The following ZNF687 variants were observed in gnomAD, a reference collection of about 807,000 sequenced individuals.
ZNF687 encodes zinc finger protein 687.
ZNF687 carries 13 observed loss-of-function variants against 71.8 expected under a neutral mutation model. The ratio of observed to expected loss-of-function variants is 0.18; its 90% confidence interval spans 0.12 to 0.29. The LOEUF is 0.29. ZNF687 is among the 10% of genes least tolerant of loss of function. ZNF687 has a pLI of 1.00. For synonymous variants in ZNF687, 673 were observed against 641.6 expected (o/e 1.05, Z -0.74); for missense variants, 1,412 against 1,625.6 (o/e 0.87, Z 2.26).
intron 4 of ZNF687, 36 bp from the exon 5 acceptor site, chr1:151,289,342 C>G: frequency 6.2e-7 from 1 of 1,613,774 alleles, no homozygotes; most frequent in Non-Finnish European, 8.5e-7. Flanking sequence ...GGGCTGCACC[C>G]AACCCTGCCT....
chr1:151,287,733 G>A lies in ZNF687; in HGVS notation c.1442G>A (p.Gly481Glu), dbSNP rs746101304. 6.2e-7 allele frequency: 1 copy of A among 1,613,950 alleles called. No homozygotes were observed. The part of the protein sequence containing the change: ...VMVQPSKTAT[G>E]PSTGGGTVIS... ...GTGCAACCTTCAAAGACAGCTACTG[G>A]GCCAAGTACAGGGGGCGGCACAGTG... is the stretch of plus-strand genomic sequence containing the variant. The change falls in exon 2 of 9, where the codon GGG becomes GAG. Residue 481 changes from glycine to glutamate, a missense_variant. Around this residue, in one of 8 missense-constraint regions of ZNF687, gnomAD observed 133 missense variants for 155.1 expected, o/e 0.86. Coordinates refer to ENST00000336715, the MANE Select transcript of ZNF687 (RefSeq NM_020832.3). The surrounding 1 kb of genome is among the most constrained non-coding windows in gnomAD (Gnocchi z 5.0).
Position 151,288,377 on chromosome 1 carries a change from G to A in ZNF687, c.2086G>A (p.Gly696Ser), listed in dbSNP as rs772681535. Residue 696 changes from glycine to serine, a missense_variant, in exon 2 of 9, where the codon GGC becomes AGC. By Grantham distance (56) the Gly-to-Ser change is moderately conservative. Coordinates refer to ENST00000336715, the MANE Select transcript of ZNF687 (RefSeq NM_020832.3). ...AGMAAHFQQLGPPAPGATSNV... is the reference protein window; with the variant it reads ...AGMAAHFQQLSPPAPGATSNV... ...CATGGCAGCTCACTTCCAGCAGCTC[G>A]GCCCCCCTGCCCCTGGGGCCACCAG... The A allele has an allele frequency of 3.6e-5, 58 of 1,607,050 alleles. No homozygotes were observed. The highest frequency in any genetic ancestry group is 1.1e-4 in the East Asian group (5 of 44,826).
In ZNF687 at chr1:151,290,518, C is replaced by T. The variant is rs777798970; in HGVS notation, c.3164C>T (p.Ala1055Val). Residue 1055 changes from alanine (A) to valine (V), a missense_variant, in exon 8 of 9, where the codon GCC becomes GTC. By Grantham distance (64) the Ala-to-Val change is moderately conservative (BLOSUM62 0). This residue lies in a region of ZNF687 where 284 missense variants were observed against 359.2 expected (regional missense o/e 0.79). Transcript: ENST00000336715. ...VQVRHGLQLGAQSPGRGTTLA... is the reference protein window; with the variant it reads ...VQVRHGLQLGVQSPGRGTTLA... ...GTCCGGCACGGCTTGCAGCTTGGGG[C>T]CCAGTCCCCTGGCCGGGGGACCACC... 1.5e-5 allele frequency: 24 copies of T among 1,613,786 alleles called. No homozygotes were observed. The African/African-American group carries it at 3.1e-4, about 21-fold the overall frequency.
chr1:151,287,077 C>T lies in ZNF687; in HGVS notation c.786C>T (p.Phe262=), dbSNP rs1228014249. The change falls in exon 2 of 9, where the codon TTC becomes TTT. Residue 262 remains phenylalanine, a synonymous_variant. Coordinates refer to ENST00000336715, the MANE Select transcript of ZNF687 (RefSeq NM_020832.3). This position sits in a 1 kb window ranked among gnomAD's most constrained non-coding sequence, Gnocchi z 5.0. The part of the protein sequence containing the change: ...ASPPPVAGVP[F]FKQSPGHQSP... ...CTCCCCCAGTTGCTGGGGTGCCCTTCTTCAAGCAGTCTCCAGGGCACCAGA... is the reference window on the plus strand; with the variant it reads ...CTCCCCCAGTTGCTGGGGTGCCCTTTTTCAAGCAGTCTCCAGGGCACCAGA... 1.9e-6 allele frequency: 3 copies of T among 1,613,494 alleles called. No individual in the cohort carries two copies. Among genetic ancestry groups the T allele is most frequent in the Non-Finnish European group, 2.5e-6 (3 of 1,179,654 alleles).
chr1:151,286,645 G>A lies in ZNF687; in HGVS notation c.354G>A (p.Val118=), dbSNP rs941131339. Reference sequence around the variant, plus strand: ...CTGGGGTAACTAAAGAAGGGCCTGTGGGGCCTCATCGAATGCAGAATGGTT... The same window carrying A: ...CTGGGGTAACTAAAGAAGGGCCTGTAGGGCCTCATCGAATGCAGAATGGTT... ...QAAGVTKEGP[V]GPHRMQNGFG... is the part of the protein sequence containing the mutation. The change falls in exon 2 of 9, where the codon GTG becomes GTA. Residue 118 remains valine, a synonymous_variant. Transcript: ENST00000336715. 27 of 1,614,206 alleles carry A rather than the reference G, an allele frequency of 1.7e-5. No individual in the cohort carries two copies. The highest frequency in any genetic ancestry group is 2.3e-5 in the Non-Finnish European group (27 of 1,180,024).
upstream of ZNF687, chr1:151,282,165 A>G: frequency 8.7e-7 from 1 of 1,155,638 alleles, no homozygotes. Flanking sequence ...TTTAGGGCCA[A>G]CCCAGTGCGG....
In ZNF687 at chr1:151,287,186, C is replaced by T; in HGVS notation, c.895C>T (p.Pro299Ser). 1 of 1,614,128 alleles carries T rather than the reference C, an allele frequency of 6.2e-7. No homozygotes were observed. The highest frequency in any genetic ancestry group is 8.5e-7 in the Non-Finnish European group (1 of 1,179,994). The stretch of plus-strand genomic sequence containing the variant: ...TGAGGGGCCAGTGGACAAGTCTTCC[C>T]CAGGAAGTCCCCAGAGTCCCTCTAG... ...DDEGPVDKSS[P>S]GSPQSPSSGA... Residue 299 changes from proline to serine, a missense_variant, in exon 2 of 9, where the codon CCA becomes TCA. Physicochemically the swap from Pro to Ser is moderately conservative, Grantham distance 74. Around this residue, in one of 8 missense-constraint regions of ZNF687, gnomAD observed 490 missense variants for 489.9 expected, o/e 1.00. Transcript: ENST00000336715. The surrounding 1 kb of genome is among the most constrained non-coding windows in gnomAD (Gnocchi z 5.0).
Position 151,287,963 on chromosome 1 carries a change from C to T in ZNF687, c.1672C>T (p.Arg558Cys), listed in dbSNP as rs773083699. ...LARHYDRRSM[R>C]IEVTCNHCAR... The stretch of plus-strand genomic sequence containing the variant: ...ACGGCACTATGACCGTCGGAGCATG[C>T]GCATCGAGGTCACCTGCAACCACTG... Residue 558 changes from arginine to cysteine, a missense_variant, in exon 2 of 9, where the codon CGC (arginine) becomes TGC (cysteine). By Grantham distance (180) the Arg-to-Cys change is radical (BLOSUM62 -3). Around this residue, in one of 8 missense-constraint regions of ZNF687, gnomAD observed 50 missense variants for 106.6 expected, o/e 0.47. Coordinates refer to ENST00000336715, the MANE Select transcript of ZNF687 (RefSeq NM_020832.3). The surrounding 1 kb of genome is among the most constrained non-coding windows in gnomAD (Gnocchi z 5.0). 14 of 1,613,764 alleles carry T rather than the reference C, an allele frequency of 8.7e-6. No individual in the cohort carries two copies. Among genetic ancestry groups the T allele is most frequent in the African/African-American group, 2.7e-5 (2 of 74,900 alleles).
In ZNF687 at chr1:151,288,111, T is replaced by G; in HGVS notation, c.1820T>G (p.Met607Arg). 1 of 1,613,954 alleles carries G rather than the reference T, an allele frequency of 6.2e-7. No individual in the cohort carries two copies. Among genetic ancestry groups the G allele is most frequent in the Non-Finnish European group, 8.5e-7 (1 of 1,180,030 alleles). ...ATGAGGCCTGTAGCCCTTGACCAGA[T>G]GGTGGGGCAGCCGGACATCACACCG... ...LVMRPVALDQ[M>R]VGQPDITPLL... The change falls in exon 2 of 9, where the codon ATG (methionine) becomes AGG (arginine). Residue 607 changes from methionine (M) to arginine (R), a missense_variant. By Grantham distance (91) the Met-to-Arg change is moderately conservative. Around this residue, in one of 8 missense-constraint regions of ZNF687, gnomAD observed 207 missense variants for 239.2 expected, o/e 0.87. Coordinates refer to ENST00000336715, the MANE Select transcript of ZNF687 (RefSeq NM_020832.3).
chr1:151,287,508 T>A lies in ZNF687; in HGVS notation c.1217T>A (p.Ile406Asn), dbSNP rs1271274546. ...LKGTVLPVAT[I>N]QNASTAMLMA... ...GGCACTGTGCTGCCTGTGGCCACCATCCAGAACGCCAGTACTGCCATGCTG... is the reference window on the plus strand; with the variant it reads ...GGCACTGTGCTGCCTGTGGCCACCAACCAGAACGCCAGTACTGCCATGCTG... The change falls in exon 2 of 9, where the codon ATC becomes AAC. Residue 406 changes from isoleucine (I) to asparagine (N), a missense_variant. By Grantham distance (149) the Ile-to-Asn change is moderately radical. Coordinates refer to ENST00000336715, the MANE Select transcript of ZNF687 (RefSeq NM_020832.3). This position sits in a 1 kb window ranked among gnomAD's most constrained non-coding sequence, Gnocchi z 5.0. The A allele has an allele frequency of 1.9e-6, 3 of 1,614,092 alleles. No homozygotes were observed. The highest frequency in any genetic ancestry group is 2.5e-6 in the Non-Finnish European group (3 of 1,180,014).
Position 151,288,366 on chromosome 1 carries a change from TC to T in ZNF687, c.2077del (p.Gln693SerfsTer20). The part of the protein sequence containing the change: ...CRDKAGMAAH[F>X]QQLGPPAPGA... ...GACAAGGCTGGCATGGCAGCTCACT[TC>T]CAGCAGCTCGGCCCCCCTGCCCCTG... On this transcript the variant is annotated frameshift_variant, in exon 2 of 9. Coordinates refer to ENST00000336715, the MANE Select transcript of ZNF687 (RefSeq NM_020832.3). LOFTEE classifies it high-confidence loss of function. 1.2e-6 allele frequency: 2 copies of T among 1,608,606 alleles called. No homozygotes were observed. The highest frequency in any genetic ancestry group is 1.7e-6 in the Non-Finnish European group (2 of 1,179,108).
rs760031020 is a variant in ZNF687, at chr1:151,287,213, G to C, written c.922G>C (p.Gly308Arg). Reference sequence around the variant, plus strand: ...AGGAAGTCCCCAGAGTCCCTCTAGTGGGGCCGAGGCTGCAGATGAGGACAG... The same window carrying C: ...AGGAAGTCCCCAGAGTCCCTCTAGTCGGGCCGAGGCTGCAGATGAGGACAG... ...SPGSPQSPSS[G>R]AEAADEDSND... The change falls in exon 2 of 9, where the codon GGG becomes CGG. Residue 308 changes from glycine to arginine, a missense_variant. Transcript: ENST00000336715. This position sits in a 1 kb window ranked among gnomAD's most constrained non-coding sequence, Gnocchi z 5.0. 1 of 1,614,216 alleles carries C rather than the reference G, an allele frequency of 6.2e-7. No individual in the cohort carries two copies. The highest frequency in any genetic ancestry group is 1.1e-5 in the South Asian group (1 of 91,088).
In ZNF687 at chr1:151,289,150, C is replaced by G. The variant is rs751315734; in HGVS notation, c.2350C>G (p.Gln784Glu). The part of the protein sequence containing the change: ...GGVNSIKSHI[Q>E]TSHCEVFHKC... ...TGTGAACTCCATCAAGTCCCACATC[C>G]AGACGTCGCACTGCGAGGTTTTCCA... Residue 784 changes from glutamine to glutamate, a missense_variant, in exon 4 of 9, where the codon CAG becomes GAG. Transcript: ENST00000336715. 9.7e-5 allele frequency: 157 copies of G among 1,614,126 alleles called. No homozygotes were observed. In the Admixed American group the frequency reaches 1.6e-3, roughly 17 times the overall value.
rs869269504 is a variant in ZNF687 at position 151,284,802 on chromosome 1, CTTTTT to C, written c.-17-1450_-17-1446del. Among the ~76,000 whole-genome samples the C allele has an allele frequency of 5.0e-4, 28 of 56,426 alleles. No individual in the cohort carries two copies. The South Asian group carries it at 0.014, about 29-fold the overall frequency. The allele number at this position is 56,426 out of a possible 152,430, so 37.0% of individuals were successfully genotyped here. A position where few individuals can be genotyped will look rare whatever the true frequency, so the allele number is the denominator to read the frequency against. ...ACTTGTGCTCTCTGCCTTGTCTTGT[CTTTTT>C]TTTTTTTTTTTTTTTTTTTTTTGAG... On this transcript the variant is annotated intron_variant, in intron 1 of 8. Transcript: ENST00000336715.
chr1:151,289,282 G>C lies in ZNF687; in HGVS notation c.2471+11G>C, dbSNP rs754396558. ...AACTCAGCAGGCCAAGTGAGGCCCG[G>C]GGGAGGGCCGGGCTGGGCCAGGGAG... On this transcript the variant is annotated intron_variant, in intron 4 of 8. Transcript: ENST00000336715. 3 of 1,613,154 alleles carry C rather than the reference G, an allele frequency of 1.9e-6. No individual in the cohort carries two copies. The Admixed American group carries it at 5.0e-5, about 27-fold the overall frequency.
At position 151,286,963 on chromosome 1, in the gene ZNF687, G is replaced by GAGCTGC; in HGVS notation, c.676_681dup (p.Cys226_Ser227dup). ...CACCATTGGGGGCCTTGAAGCAGGA[G>GAGCTGC]AGCTGCAGCCCCCATCATCCCCAGG... On this transcript the variant is annotated inframe_insertion, in exon 2 of 9. Transcript: ENST00000336715. 1 of 1,608,604 alleles carries GAGCTGC rather than the reference G, an allele frequency of 6.2e-7. No homozygotes were observed. Among genetic ancestry groups the GAGCTGC allele is most frequent in the Middle Eastern group, 1.7e-4 (1 of 6,032 alleles).
chr1:151,289,794 T>C lies in ZNF687; in HGVS notation c.2751T>C (p.Pro917=), dbSNP rs778222516. The change falls in exon 6 of 9, where the codon CCT becomes CCC. Residue 917 remains proline, a synonymous_variant. Transcript: ENST00000336715. Reference sequence around the variant, plus strand: ...CTGTTTCTCAGGGAGGGGCAGCCCCTGCTACTGAGGAGTCGTCTTCATCTT... The same window carrying C: ...CTGTTTCTCAGGGAGGGGCAGCCCCCGCTACTGAGGAGTCGTCTTCATCTT... ...ELAVSQGGAA[P]ATEESSSSSE... The C allele has an allele frequency of 1.3e-6, 2 of 1,564,192 alleles. No homozygotes were observed. The highest frequency in any genetic ancestry group is 2.3e-5 in the South Asian group (2 of 85,404).
At chr1:151,282,281 G>C (rs1693741462), upstream of ZNF687, 1 of 1,005,592 alleles carries the variant, frequency 9.9e-7, no homozygotes, top group Non-Finnish European at 1.2e-6. Flanking sequence ...GAGTGGGGAG[G>C]CCGAACCGGA....
chr1:151,290,824 G>T lies in ZNF687; in HGVS notation c.3329G>T (p.Gly1110Val), dbSNP rs1694205432. ...PRGGPGSGGHGPLRYRSSSST... is the reference protein window; with the variant it reads ...PRGGPGSGGHVPLRYRSSSST... The stretch of plus-strand genomic sequence containing the variant: ...GGCGGACCTGGATCTGGAGGCCATG[G>T]CCCTCTGCGCTACCGGAGCAGCAGC... The change falls in exon 9 of 9, where the codon GGC (glycine) becomes GTC (valine). Residue 1110 changes from glycine to valine, a missense_variant. This residue lies in a region of ZNF687 where 284 missense variants were observed against 359.2 expected (regional missense o/e 0.79). Coordinates refer to ENST00000336715, the MANE Select transcript of ZNF687 (RefSeq NM_020832.3). 5.6e-6 allele frequency: 9 copies of T among 1,613,922 alleles called. No individual in the cohort carries two copies. Among genetic ancestry groups the T allele is most frequent in the Non-Finnish European group, 7.6e-6 (9 of 1,180,018 alleles).
Sources: allele counts gnomAD v4.1 joint callset (sites outside exome capture counted in the v4.1 genomes callset), GRCh38; gene constraint gnomAD v4.1.1; regional missense constraint gnomAD v4.1.1; non-coding constraint Gnocchi (gnomAD v3.1); transcripts MANE v1.5; gene names NCBI Gene and HGNC (gene_info 2026-07-23, HGNC 2026-07-21).